The following LINGO2 variants were observed in gnomAD, a reference collection of about 807,000 sequenced individuals.
LINGO2 encodes leucine rich repeat and Ig domain containing 2.
LINGO2 carries 14 observed loss-of-function variants against 30.6 expected under a neutral mutation model. The observed-to-expected ratio is 0.46, with a 90% CI of 0.30 to 0.72. The LOEUF (loss-of-function observed/expected upper bound fraction) is 0.72, where lower values mean the gene tolerates loss of function less well. Among genes scored for constraint, LINGO2 ranks in the 30% least tolerant of loss-of-function variants. The pLI, the probability that LINGO2 is intolerant of heterozygous loss-of-function variation, is 0.07. For synonymous variants in LINGO2, 317 were observed against 288.5 expected (o/e 1.10, Z -1.00); for missense variants, 729 against 751.7 (o/e 0.97, Z 0.35).
chr9:29,041,463 C>T, the LINGO2 span, among the ~76,000 whole-genome samples: 6 of 151,964 alleles, frequency 3.9e-5, no homozygotes, highest in African/African-American at 1.2e-4. Flanking sequence ...AGAGTCAAGA[C>T]AGTGTGGTAT....
At chr9:28,134,470 C>G (rs1416162087) in intron 4 of LINGO2, among the ~76,000 whole-genome samples, 1 of 152,156 alleles carries the variant, frequency 6.6e-6, no homozygotes, top group Non-Finnish European at 1.5e-5. Context: ...GCTGTAACTC[C>G]AATGATAAGT....
chr9:28,874,813 T>C, the LINGO2 span, among the ~76,000 whole-genome samples: 9 of 152,186 alleles, frequency 5.9e-5, no homozygotes, highest in African/African-American at 1.9e-4. Flanking sequence ...TTAAATGACC[T>C]GTGGCTTTAC....
intron 4 of LINGO2, among the ~76,000 whole-genome samples, chr9:28,290,096 A>G (rs1023142106): frequency 4.6e-5 from 7 of 152,146 alleles, no homozygotes; most frequent in African/African-American, 9.7e-5. Context: ...TCTGCATTAC[A>G]TCTTTTTTTA....
chr9:28,592,231 A>G (rs1035410289), intron 1 of LINGO2, among the ~76,000 whole-genome samples: 4 of 152,136 alleles, frequency 2.6e-5, no homozygotes, highest in Non-Finnish European at 5.9e-5. Flanking sequence ...TTAAAAAGGT[A>G]CTATGTATTT....
chr9:28,039,633 C>G (rs2132969764), intron 4 of LINGO2, among the ~76,000 whole-genome samples: 1 of 152,140 alleles, frequency 6.6e-6, no homozygotes, highest in Non-Finnish European at 1.5e-5. Flanking sequence ...GGTGGATATG[C>G]TGTTGACCAC....
intron 4 of LINGO2, among the ~76,000 whole-genome samples, chr9:28,092,156 G>A (rs373699865): frequency 6.6e-6 from 1 of 152,112 alleles, no homozygotes. Context: ...CAAGGATCTA[G>A]AACTAGAAAT....
At chr9:28,033,626 G>A (rs1436951392) in intron 4 of LINGO2, among the ~76,000 whole-genome samples, 3 of 151,854 alleles carry the variant, frequency 2.0e-5, no homozygotes, top group Non-Finnish European at 4.4e-5. Flanking sequence ...TATATTTTGA[G>A]GATGGATTAC....
At chr9:28,988,340 A>T in the LINGO2 span, among the ~76,000 whole-genome samples, 1 of 152,152 alleles carries the variant, frequency 6.6e-6, no homozygotes, top group African/African-American at 2.4e-5. Context: ...CTGTGATAAG[A>T]ATAGCTACCC....
chr9:28,322,050 C>T (rs1323964029), intron 3 of LINGO2, among the ~76,000 whole-genome samples: 1 of 152,216 alleles, frequency 6.6e-6, no homozygotes, highest in Non-Finnish European at 1.5e-5. Flanking sequence ...AAACTACTTA[C>T]CTCAGCTTAC....
At chr9:28,469,265 T>C (rs1576734) in intron 2 of LINGO2, among the ~76,000 whole-genome samples, 2,464 of 149,176 alleles carry the variant, frequency 0.017, 66 homozygotes, top group African/African-American at 0.057. Flanking sequence ...GTCTGAAGAG[T>C]AAAAAGAAAA....
chr9:28,325,321 G>A, intron 3 of LINGO2, among the ~76,000 whole-genome samples: 1 of 152,082 alleles, frequency 6.6e-6, no homozygotes, highest in East Asian at 1.9e-4. Flanking sequence ...TAAGGACCTA[G>A]GAGTCATACC....
chr9:29,145,148 T>C, the LINGO2 span, among the ~76,000 whole-genome samples: 1 of 152,186 alleles, frequency 6.6e-6, no homozygotes, highest in Non-Finnish European at 1.5e-5. Flanking sequence ...GCAGCTGTTG[T>C]TCAGAGCAAT....
chr9:28,718,068 A>T, the LINGO2 span, among the ~76,000 whole-genome samples: 1 of 152,148 alleles, frequency 6.6e-6, no homozygotes, highest in East Asian at 1.9e-4. Flanking sequence ...TATAACAGAG[A>T]TGGCAGGGAC....
Position 28,561,781 on chromosome 9 carries a change from A to ATATAT in LINGO2, c.-364-85757_-364-85756insATATA, listed in dbSNP as rs1491164807. Among the ~76,000 whole-genome samples, 167 of 102,210 alleles carry ATATAT rather than the reference A, an allele frequency of 1.6e-3. 7 individuals are homozygous for ATATAT. Among genetic ancestry groups the ATATAT allele is most frequent in the Middle Eastern group, 4.5e-3 (1 of 224 alleles). The allele number at this position is 102,210 out of a possible 152,430, so 67.1% of individuals were successfully genotyped here. A position where few individuals can be genotyped will look rare whatever the true frequency, so the allele number is the denominator to read the frequency against. On this transcript the variant is annotated intron_variant, in intron 1 of 5. Coordinates refer to ENST00000379992, the Ensembl canonical transcript of LINGO2. The stretch of plus-strand genomic sequence containing the variant: ...TATATATATATATATATATATATAT[A>ATATAT]AAAAATATGCTACTAGAACTGAAAA...
intron 1 of LINGO2, among the ~76,000 whole-genome samples, chr9:28,587,313 C>T (rs542593349): frequency 1.7e-4 from 26 of 152,102 alleles, no homozygotes; most frequent in African/African-American, 6.3e-4. Flanking sequence ...TCATATTCAG[C>T]TAGAGCAGAA....
chr9:28,270,516 G>T (rs1822903292), intron 4 of LINGO2, among the ~76,000 whole-genome samples: 1 of 151,968 alleles, frequency 6.6e-6, no homozygotes, highest in South Asian at 2.1e-4. Flanking sequence ...AAAATAGTGT[G>T]AGAGCCAAAA....
At chr9:28,466,383 A>G (rs975466817) in intron 2 of LINGO2, among the ~76,000 whole-genome samples, 1 of 152,196 alleles carries the variant, frequency 6.6e-6, no homozygotes, top group Admixed American at 6.5e-5. Flanking sequence ...CAAACTGATC[A>G]TGTTCTCATT....
At chr9:27,951,898 A>G (rs1314348603) in intron 5 of LINGO2, among the ~76,000 whole-genome samples, 1 of 152,168 alleles carries the variant, frequency 6.6e-6, no homozygotes, top group Non-Finnish European at 1.5e-5. Context: ...GTCTATATGT[A>G]AACAAATTTA....
At chr9:28,568,739 A>C (rs72713598) in intron 1 of LINGO2, among the ~76,000 whole-genome samples, 1 of 152,058 alleles carries the variant, frequency 6.6e-6, no homozygotes, top group African/African-American at 2.4e-5. Flanking sequence ...AGGATGCTTT[A>C]TCAGACAAAC....
Sources: allele counts gnomAD v4.1 joint callset (sites outside exome capture counted in the v4.1 genomes callset), GRCh38; gene constraint gnomAD v4.1.1; transcripts MANE v1.5; gene names NCBI Gene and HGNC (gene_info 2026-07-23, HGNC 2026-07-21).